Variants in EIF2B3 observed in about 807,000 individuals in gnomAD.
EIF2B3 encodes the protein eukaryotic translation initiation factor 2B subunit gamma.
A neutral mutation model predicts 54.1 loss-of-function variants in EIF2B3; 20 were observed. The observed-to-expected ratio is 0.37, with a 90% confidence interval of 0.26 to 0.54. EIF2B3 has a LOEUF of 0.54. Among genes scored for constraint, EIF2B3 ranks in the 20% least tolerant of loss-of-function variants. The pLI is 0.86. For synonymous variants in EIF2B3, 153 were observed against 188.1 expected (o/e 0.81, Z 1.52); for missense variants, 448 against 547.8 (o/e 0.82, Z 1.82).
intron 5 of EIF2B3, among the ~76,000 whole-genome samples, chr1:44,901,198 CCCTGCCTCCCAGGTTTAAGCAATTCT>C (rs1463987485): frequency 8.0e-4 from 122 of 152,168 alleles, no homozygotes; most frequent in Non-Finnish European, 1.5e-3. Flanking sequence ...TCACTGCAAC[CCCTGCCTCCCAGGTTTAAGCAATTCT>C]CCTGCCTCAG....
At chr1:44,870,534 A>G (rs1375412814) in intron 10 of EIF2B3, among the ~76,000 whole-genome samples, 1 of 151,976 alleles carries the variant, frequency 6.6e-6, no homozygotes, top group Non-Finnish European at 1.5e-5. Context: ...TATGTCTAAA[A>G]TTGCTTGCTG....
chr1:44,982,294 C>A (rs1360230023), intron 1 of EIF2B3, among the ~76,000 whole-genome samples: 2 of 152,114 alleles, frequency 1.3e-5, no homozygotes, highest in African/African-American at 2.4e-5. Context: ...GGTCATAAAT[C>A]TTTATTTATG....
At chr1:44,856,167 T>C (rs1454841563) in intron 11 of EIF2B3, among the ~76,000 whole-genome samples, 3 of 152,160 alleles carry the variant, frequency 2.0e-5, no homozygotes, top group African/African-American at 4.8e-5. Flanking sequence ...CATTTAATTA[T>C]ATGTAATTCT....
chr1:44,949,824 C>T (rs1465719863), intron 3 of EIF2B3, among the ~76,000 whole-genome samples: 3 of 152,172 alleles, frequency 2.0e-5, no homozygotes, highest in East Asian at 3.8e-4. Flanking sequence ...AATTCATTCA[C>T]GTCCTCCAAG....
intron 5 of EIF2B3, among the ~76,000 whole-genome samples, chr1:44,898,202 C>T (rs1656042747): frequency 6.6e-6 from 1 of 152,170 alleles, no homozygotes; most frequent in Admixed American, 6.5e-5. Context: ...ATAATCCTAA[C>T]TTGCTACTCT....
intron 10 of EIF2B3, among the ~76,000 whole-genome samples, chr1:44,859,145 A>T (rs1397642929): frequency 1.3e-5 from 2 of 152,072 alleles, no homozygotes; most frequent in Non-Finnish European, 2.9e-5. Context: ...TACACAAAAT[A>T]AAAAAGCTAG....
chr1:44,973,687 G>C (rs975441883), intron 3 of EIF2B3, among the ~76,000 whole-genome samples: 3 of 152,066 alleles, frequency 2.0e-5, no homozygotes, highest in African/African-American at 7.2e-5. Flanking sequence ...CAGGGTGATA[G>C]AGTGAGACTC....
At chr1:44,883,429 T>C (rs138685064) in intron 6 of EIF2B3, among the ~76,000 whole-genome samples, 123 of 152,274 alleles carry the variant, frequency 8.1e-4, no homozygotes, top group Admixed American at 1.3e-3. Flanking sequence ...ACATCACTAT[T>C]GTTGAACCTA....
At chr1:44,874,869 C>T in intron 9 of EIF2B3, 43 bp from the exon 10 acceptor site, 1 of 1,613,094 alleles carries the variant, frequency 6.2e-7, no homozygotes, top group South Asian at 1.1e-5. Context: ...CCATCTCAAC[C>T]AACTGCAAAC....
At chr1:44,981,248 G>A (rs2148965866) in intron 1 of EIF2B3, 71 bp from the exon 2 acceptor site, 8 of 1,527,270 alleles carry the variant, frequency 5.2e-6, no homozygotes, top group Middle Eastern at 1.7e-4. Context: ...CATACTACTA[G>A]CCTATTTTTA....
At chr1:44,919,741 G>A (rs541124322) in intron 5 of EIF2B3, among the ~76,000 whole-genome samples, 5 of 132,224 alleles carry the variant, frequency 3.8e-5, no homozygotes, top group Non-Finnish European at 7.8e-5. Flanking sequence ...TTTTTGAGAC[G>A]GAGGCTCACT....
Position 44,941,709 on chromosome 1 carries a change from G to A in EIF2B3, c.295-44C>T, listed in dbSNP as rs1408352988. Reference sequence around the variant, plus strand: ...AAAAGTCAATATCATAAAGGACAATGGATTACACAAATCATCACAAGACAA... The same window carrying A: ...AAAAGTCAATATCATAAAGGACAATAGATTACACAAATCATCACAAGACAA... On this transcript the variant is annotated intron_variant, in intron 3 of 11. Transcript: ENST00000360403. 4.3e-6 allele frequency: 7 copies of A among 1,609,614 alleles called. No individual in the cohort carries two copies. The South Asian group carries it at 6.6e-5, about 15-fold the overall frequency.
At chr1:44,925,201 C>CT (rs1265990192) in intron 5 of EIF2B3, 1 of 152,118 alleles carries the variant, frequency 6.6e-6, no homozygotes, top group African/African-American at 2.4e-5. Flanking sequence ...TCCAAAAGAA[C>CT]TGAAAGCAAG....
Position 44,881,520 on chromosome 1 carries a change from C to A in EIF2B3, c.784+92G>T. ...CTAGAAATAGTCTGCTGCCTTGAGTCAGGCATCTTGGGCTGGGCTAAGCTG... is the reference window on the plus strand; with the variant it reads ...CTAGAAATAGTCTGCTGCCTTGAGTAAGGCATCTTGGGCTGGGCTAAGCTG... On this transcript the variant is annotated intron_variant, in intron 7 of 11. Coordinates refer to ENST00000360403, the MANE Select transcript of EIF2B3 (RefSeq NM_020365.5). This position sits in a 1 kb window ranked among gnomAD's most constrained non-coding sequence, Gnocchi z 4.0. The A allele has an allele frequency of 6.6e-7, 1 of 1,512,846 alleles. No homozygotes were observed. The highest frequency in any genetic ancestry group is 1.1e-5 in the South Asian group (1 of 88,446). The allele number at this position is 1,512,846 out of a possible 1,614,324, so 93.7% of individuals were successfully genotyped here. A position where few individuals can be genotyped will look rare whatever the true frequency, so the allele number is the denominator to read the frequency against.
chr1:44,966,612 G>A (rs983596608), intron 3 of EIF2B3, among the ~76,000 whole-genome samples: 4 of 152,060 alleles, frequency 2.6e-5, no homozygotes, highest in African/African-American at 9.7e-5. Context: ...GGGCTCTAGA[G>A]CTGTGAAGCT....
At chr1:44,914,412 C>T (rs771330847) in intron 5 of EIF2B3, among the ~76,000 whole-genome samples, 1 of 152,082 alleles carries the variant, frequency 6.6e-6, no homozygotes, top group Non-Finnish European at 1.5e-5. Flanking sequence ...CCGTCCACCT[C>T]GGCCTCTCAA....
At chr1:44,913,186 A>G (rs1230775936) in intron 5 of EIF2B3, among the ~76,000 whole-genome samples, 2 of 151,400 alleles carry the variant, frequency 1.3e-5, no homozygotes, top group African/African-American at 4.9e-5. Context: ...AAATAAGATC[A>G]TATTTTTTAA....
At chr1:44,907,556 CA>C (rs1454872494) in intron 5 of EIF2B3, among the ~76,000 whole-genome samples, 2 of 151,422 alleles carry the variant, frequency 1.3e-5, no homozygotes, top group Non-Finnish European at 2.9e-5. Flanking sequence ...AACTCCTTCT[CA>C]AAAACAAACA....
At chr1:44,966,054 A>G (rs915728928) in intron 3 of EIF2B3, among the ~76,000 whole-genome samples, 7 of 151,986 alleles carry the variant, frequency 4.6e-5, no homozygotes, top group African/African-American at 1.7e-4. Context: ...AACTCTGAAG[A>G]CTCAGTCCCC....
Sources: gnomAD v4.1 joint callset for allele counts (sites outside exome capture counted in the v4.1 genomes callset) on GRCh38, gnomAD v4.1.1 for gene constraint, Gnocchi (gnomAD v3.1) non-coding constraint, MANE v1.5 for transcripts, NCBI Gene and HGNC (gene_info 2026-07-23, HGNC 2026-07-21) for gene names.